EBF2: variants seen among roughly 807,000 people sequenced by gnomAD.
EBF2 encodes EBF transcription factor 2, also known as transcription factor COE2.
In EBF2, 21 loss-of-function variants were observed where a neutral mutation model predicts 72.8. That is an observed-to-expected ratio of 0.29 (90% CI 0.20 to 0.42). EBF2 has a LOEUF of 0.42. EBF2 is among the 10% of genes least tolerant of loss of function. The probability of loss-of-function intolerance (pLI) is 1.00; values close to 1 mark genes in which losing one functional copy is unlikely to be tolerated. For missense variants in EBF2, 637 were observed against 731.2 expected (o/e 0.87, Z 1.49); for synonymous variants, 299 against 274.2 (o/e 1.09, Z -0.89).
At chr8:26,016,346 A>G (rs1805110930) in intron 6 of EBF2, among the ~76,000 whole-genome samples, 1 of 152,238 alleles carries the variant, frequency 6.6e-6, no homozygotes, top group African/African-American at 2.4e-5. Context: ...TAATTCTTCT[A>G]ACTCAGACCT....
Position 25,861,353 on chromosome 8 carries a change from C to A in EBF2, c.1120G>T (p.Ala374Ser). 1 of 1,614,182 alleles carries A rather than the reference C, an allele frequency of 6.2e-7. No individual in the cohort carries two copies. Among genetic ancestry groups the A allele is most frequent in the Non-Finnish European group, 8.5e-7 (1 of 1,180,024 alleles). ...LAKEMLLKRA[A>S]DLVEALYGTP... ...CCATAAAGAGCTTCCACTAGATCTG[C>A]AGCTCTTTTCAACAGCATCTCCTGG... The change falls in exon 12 of 16, where the codon GCA becomes TCA. Residue 374 changes from alanine to serine, a missense_variant. Physicochemically the swap from Ala to Ser is moderately conservative, Grantham distance 99. Transcript: ENST00000520164.
rs869254548 is a variant in EBF2, at chr8:25,866,635, ATTTT to A, written c.1010-3842_1010-3839del. 2.0e-3 allele frequency among the ~76,000 whole-genome samples: 157 copies of A among 77,128 alleles called. 1 individual carries two copies. The South Asian group carries it at 0.024, about 12-fold the overall frequency. The allele number at this position is 77,128 out of a possible 152,430, so 50.6% of individuals were successfully genotyped here. A position where few individuals can be genotyped will look rare whatever the true frequency, so the allele number is the denominator to read the frequency against. On this transcript the variant is annotated intron_variant, in intron 10 of 15. Transcript: ENST00000520164. ...TATATTATATTATATATATATATATATTTTTTTTTTTTTTGAGACAAAGTCTTGC... is the reference window on the plus strand; with the variant it reads ...TATATTATATTATATATATATATATATTTTTTTTTTGAGACAAAGTCTTGC...
chr8:25,954,228 A>G (rs1182109831), intron 6 of EBF2, among the ~76,000 whole-genome samples: 1 of 152,202 alleles, frequency 6.6e-6, no homozygotes, highest in Non-Finnish European at 1.5e-5. Flanking sequence ...AGTAAGAGTG[A>G]TATCGGGCCA....
chr8:25,863,321 C>T lies in EBF2; in HGVS notation c.1010-524G>A, dbSNP rs115322505. Reference sequence around the variant, plus strand: ...CAATTTTCAATTATATTTAATTACACCCACGTCTGGTAACTATCAGCCCCC... The same window carrying T: ...CAATTTTCAATTATATTTAATTACATCCACGTCTGGTAACTATCAGCCCCC... On this transcript the variant is annotated intron_variant, in intron 10 of 15. Coordinates refer to ENST00000520164, the MANE Select transcript of EBF2 (RefSeq NM_022659.4). Among the ~76,000 whole-genome samples the T allele has an allele frequency of 7.9e-3, 1,204 of 152,174 alleles. 15 individuals carry two copies. The highest frequency in any genetic ancestry group is 0.028 in the African/African-American group (1,143 of 41,532).
At chr8:25,967,319 A>G (rs1291128796) in intron 6 of EBF2, among the ~76,000 whole-genome samples, 1 of 152,256 alleles carries the variant, frequency 6.6e-6, no homozygotes, top group African/African-American at 2.4e-5. Context: ...GGATCCATGT[A>G]CAGATGCTCC....
chr8:26,012,383 C>A (rs1011816127), intron 6 of EBF2, among the ~76,000 whole-genome samples: 1 of 152,046 alleles, frequency 6.6e-6, no homozygotes, highest in Non-Finnish European at 1.5e-5. Flanking sequence ...AAAATGCAAT[C>A]AAAAATAACT....
At chr8:25,913,396 ACG>A (rs1803160474) in intron 6 of EBF2, among the ~76,000 whole-genome samples, 1 of 152,092 alleles carries the variant, frequency 6.6e-6, no homozygotes, top group Non-Finnish European at 1.5e-5. Context: ...AGCCGAGATC[ACG>A]CCACTGCACT....
intron 6 of EBF2, among the ~76,000 whole-genome samples, chr8:26,019,414 G>A (rs890403132): frequency 6.6e-6 from 1 of 152,168 alleles, no homozygotes; most frequent in Non-Finnish European, 1.5e-5. Context: ...AGACAGAATA[G>A]ATCTCAATCC....
At chr8:25,906,538 G>C (rs573999140) in intron 7 of EBF2, among the ~76,000 whole-genome samples, 1 of 152,206 alleles carries the variant, frequency 6.6e-6, no homozygotes, top group African/African-American at 2.4e-5. Context: ...AGGCTGAGTC[G>C]GGTGGATCAC....
chr8:26,041,098 C>G, intron 2 of EBF2, 96 bp from the exon 3 acceptor site: 1 of 1,428,506 alleles, frequency 7.0e-7, no homozygotes, highest in African/African-American at 1.4e-5. Flanking sequence ...TCCCTTCTCC[C>G]CATCAAAAGG....
intron 5 of EBF2, among the ~76,000 whole-genome samples, 184 bp downstream of exon 5, chr8:26,039,844 T>G (rs1163930078): frequency 6.6e-6 from 1 of 152,096 alleles, no homozygotes; most frequent in African/African-American, 2.4e-5. Flanking sequence ...GTCCCAATGG[T>G]TATGCTTTAA....
At chr8:25,898,228 C>T (rs1802889671) in intron 7 of EBF2, among the ~76,000 whole-genome samples, 1 of 152,214 alleles carries the variant, frequency 6.6e-6, no homozygotes, top group African/African-American at 2.4e-5. Context: ...CCATTTTCAT[C>T]AAGAAAGTGA....
intron 2 of EBF2, among the ~76,000 whole-genome samples, chr8:26,041,832 C>A (rs538596198): frequency 1.3e-5 from 2 of 152,248 alleles, no homozygotes; most frequent in South Asian, 4.1e-4. Context: ...TTTGCTCCGC[C>A]GTCAGTCCAT....
At chr8:26,038,156 A>G (rs1274291692) in intron 5 of EBF2, among the ~76,000 whole-genome samples, 1 of 152,206 alleles carries the variant, frequency 6.6e-6, no homozygotes, top group Non-Finnish European at 1.5e-5. Context: ...ATTTGCCATT[A>G]CCCATCTCAT....
intron 15 of EBF2, among the ~76,000 whole-genome samples, chr8:25,846,708 CCCTT>C (rs1313659961): frequency 2.6e-5 from 4 of 152,158 alleles, no homozygotes; most frequent in African/African-American, 4.8e-5. Context: ...AATCTTCAGT[CCCTT>C]CCTTTTTCTG....
intron 13 of EBF2, among the ~76,000 whole-genome samples, chr8:25,859,835 A>G (rs1333865727): frequency 6.6e-5 from 10 of 151,208 alleles, no homozygotes; most frequent in Non-Finnish European, 5.9e-5. Context: ...TCCCACCTCA[A>G]CCTCCCAAAT....
chr8:26,020,182 T>C (rs1474880164), intron 6 of EBF2, among the ~76,000 whole-genome samples: 3 of 152,164 alleles, frequency 2.0e-5, no homozygotes, highest in African/African-American at 7.2e-5. Flanking sequence ...GAAGCCACCA[T>C]AAAAATAGAA....
chr8:26,016,508 C>T (rs1196685807), intron 6 of EBF2, among the ~76,000 whole-genome samples: 3 of 152,186 alleles, frequency 2.0e-5, no homozygotes, highest in African/African-American at 7.2e-5. Context: ...TTAGACAATA[C>T]TCCAACTCAG....
chr8:25,924,848 T>A (rs201134762), intron 6 of EBF2, among the ~76,000 whole-genome samples: 2 of 152,206 alleles, frequency 1.3e-5, no homozygotes, highest in East Asian at 3.9e-4. Flanking sequence ...TTAACATACA[T>A]GCTGAATATC....
Sources: gnomAD v4.1 joint callset for allele counts (sites outside exome capture counted in the v4.1 genomes callset) on GRCh38, gnomAD v4.1.1 for gene constraint, MANE v1.5 for transcripts, NCBI Gene and HGNC (gene_info 2026-07-23, HGNC 2026-07-21) for gene names.